MAST4: variants seen among roughly 807,000 people sequenced by gnomAD.
The protein encoded by MAST4 is microtubule-associated serine/threonine-protein kinase 4.
Under a neutral mutation model 162.7 loss-of-function variants are expected in MAST4, and 89 were observed. That is an observed-to-expected ratio of 0.55 (90% CI 0.46 to 0.65). The LOEUF (loss-of-function observed/expected upper bound fraction) is 0.65, where lower values mean the gene tolerates loss of function less well. MAST4 is among the 30% of genes least tolerant of loss of function. MAST4 has a pLI of 0.00. For synonymous variants in MAST4, 1,479 were observed against 1,361.1 expected (o/e 1.09, Z -1.91); for missense variants, 3,153 against 3,374.0 (o/e 0.93, Z 1.62).
In MAST4 at chr5:67,166,601, G is replaced by C; in HGVS notation, c.7422G>C (p.Glu2474Asp). 4 of 1,601,398 alleles carry C rather than the reference G, an allele frequency of 2.5e-6. No individual in the cohort carries two copies. Among genetic ancestry groups the C allele is most frequent in the Non-Finnish European group, 3.4e-6 (4 of 1,174,266 alleles). Residue 2474 changes from glutamate to aspartate, a missense_variant, in exon 29 of 29, where the codon GAG becomes GAC. Around this residue, in one of 7 missense-constraint regions of MAST4, gnomAD observed 1,644 missense variants for 1,495.0 expected, o/e 1.10. Coordinates refer to ENST00000403625, the MANE Select transcript of MAST4 (RefSeq NM_001164664.2). ...CTGAAACCAGGGCCGGAGTTAGAGA[G>C]GCCTCTGCAGCCAGCAGCGACACCT... ...SFPETRAGVREASAASSDTSS... is the reference protein window; with the variant it reads ...SFPETRAGVRDASAASSDTSS...
At chr5:67,157,396 C>CATTT (rs1199858827) in intron 26 of MAST4, among the ~76,000 whole-genome samples, 1 of 152,190 alleles carries the variant, frequency 6.6e-6, no homozygotes, top group African/African-American at 2.4e-5. Context: ...GGGGTAGGAG[C>CATTT]ATTTGTACTG....
intron 3 of MAST4, among the ~76,000 whole-genome samples, chr5:66,821,767 G>T (rs1216323732): frequency 2.0e-5 from 3 of 152,194 alleles, no homozygotes; most frequent in African/African-American, 7.2e-5. Context: ...AGGAGGGGCT[G>T]CTGGGAAACC....
chr5:66,893,385 TG>T (rs1762484070), intron 3 of MAST4, among the ~76,000 whole-genome samples: 7 of 145,558 alleles, frequency 4.8e-5, no homozygotes, highest in Admixed American at 4.1e-4. Flanking sequence ...TTTTTTTTTG[TG>T]TGTGTGTGTG....
intron 1 of MAST4, among the ~76,000 whole-genome samples, chr5:66,735,663 T>A (rs1044601294): frequency 6.6e-6 from 1 of 152,210 alleles, no homozygotes; most frequent in African/African-American, 2.4e-5. Flanking sequence ...TATGTGAATA[T>A]GTTTTTATAT....
intron 1 of MAST4, among the ~76,000 whole-genome samples, chr5:66,750,701 C>T (rs2084129): frequency 0.31 from 47,640 of 152,084 alleles, 8,009 homozygotes; most frequent in Non-Finnish European, 0.37. Flanking sequence ...AACTGCAAGG[C>T]GGTAGCGAGG....
At chr5:66,878,202 C>T (rs1275532427) in intron 3 of MAST4, among the ~76,000 whole-genome samples, 3 of 152,206 alleles carry the variant, frequency 2.0e-5, no homozygotes, top group Non-Finnish European at 4.4e-5. Context: ...TTTCTTCTCT[C>T]CTGGTCATTG....
intron 1 of MAST4, among the ~76,000 whole-genome samples, chr5:66,718,257 G>GT (rs1334084272): frequency 4.8e-5 from 7 of 144,848 alleles, no homozygotes; most frequent in South Asian, 2.2e-4. Flanking sequence ...TTTTTTGTTT[G>GT]TTTTTTTGTT....
At chr5:67,102,461 A>G (rs1460198979) in intron 8 of MAST4, 75 bp from the exon 9 acceptor site, 2 of 1,317,862 alleles carry the variant, frequency 1.5e-6, no homozygotes, top group African/African-American at 1.4e-5. Context: ...GATGCAACTG[A>G]CTGTTTATAA....
chr5:66,719,117 C>T (rs1490982357), intron 1 of MAST4, among the ~76,000 whole-genome samples: 3 of 152,154 alleles, frequency 2.0e-5, no homozygotes, highest in South Asian at 4.1e-4. Context: ...GAATTATTTT[C>T]CTTTTGGGGG....
chr5:66,733,646 A>G (rs1054615421), intron 1 of MAST4, among the ~76,000 whole-genome samples: 3 of 151,978 alleles, frequency 2.0e-5, no homozygotes, highest in Non-Finnish European at 4.4e-5. Context: ...TTTAGTAGAG[A>G]TGGGGTTTCA....
chr5:66,659,734 A>G (rs1454139774), intron 1 of MAST4, among the ~76,000 whole-genome samples: 1 of 152,244 alleles, frequency 6.6e-6, no homozygotes, highest in Non-Finnish European at 1.5e-5. Flanking sequence ...TAGTCTTCAC[A>G]GGCAGCTTAC....
chr5:66,621,227 A>AT (rs1369950328), intron 1 of MAST4, among the ~76,000 whole-genome samples: 1 of 152,214 alleles, frequency 6.6e-6, no homozygotes, highest in Non-Finnish European at 1.5e-5. Context: ...TGGGGACCTC[A>AT]AATAACAGAA....
intron 2 of MAST4, among the ~76,000 whole-genome samples, chr5:66,782,095 C>T (rs1156356236): frequency 6.6e-6 from 1 of 151,938 alleles, no homozygotes; most frequent in Non-Finnish European, 1.5e-5. Flanking sequence ...TTGAGGCCAG[C>T]CTGGCCGACA....
At chr5:66,926,889 A>G (rs1764945847) in intron 4 of MAST4, among the ~76,000 whole-genome samples, 1 of 152,176 alleles carries the variant, frequency 6.6e-6, no homozygotes, top group South Asian at 2.1e-4. Context: ...AATTTACATC[A>G]GTGGTTACGT....
At chr5:66,865,301 C>G (rs1172464395) in intron 3 of MAST4, among the ~76,000 whole-genome samples, 1 of 152,198 alleles carries the variant, frequency 6.6e-6, no homozygotes, top group Non-Finnish European at 1.5e-5. Flanking sequence ...GCCTCTGAAA[C>G]TATAAAGCTT....
chr5:67,126,563 G>A (rs1157007204), intron 14 of MAST4, among the ~76,000 whole-genome samples: 1 of 152,094 alleles, frequency 6.6e-6, no homozygotes, highest in Non-Finnish European at 1.5e-5. Context: ...TAGATATATG[G>A]CATTATTTCT....
chr5:66,680,454 C>T (rs1289488515), intron 1 of MAST4, among the ~76,000 whole-genome samples: 31 of 152,142 alleles, frequency 2.0e-4, no homozygotes, highest in Admixed American at 2.0e-3. Flanking sequence ...GCCAGTGCCC[C>T]TCCTCCCTTA....
intron 1 of MAST4, among the ~76,000 whole-genome samples, chr5:66,682,252 T>C (rs886818465): frequency 2.0e-5 from 3 of 152,158 alleles, no homozygotes; most frequent in African/African-American, 7.2e-5. Flanking sequence ...CTTTGAGTGG[T>C]TGGTGCCTGA....
chr5:66,888,045 A>T (rs1377551279), intron 3 of MAST4, among the ~76,000 whole-genome samples: 1 of 147,278 alleles, frequency 6.8e-6, no homozygotes, highest in Non-Finnish European at 1.5e-5. Context: ...CGTCTCTACT[A>T]AAAAAAAAAA....
Sources: gnomAD v4.1 joint callset for allele counts (sites outside exome capture counted in the v4.1 genomes callset) on GRCh38, gnomAD v4.1.1 for gene constraint, gnomAD v4.1.1 regional missense constraint, MANE v1.5 for transcripts, NCBI Gene and HGNC (gene_info 2026-07-23, HGNC 2026-07-21) for gene names.